TADA2A: variants seen among roughly 807,000 people sequenced by gnomAD.
TADA2A encodes the protein transcriptional adapter 2-alpha.
Under a neutral mutation model 67.4 loss-of-function variants are expected in TADA2A, and 38 were observed. The ratio of observed to expected loss-of-function variants is 0.56; its 90% CI spans 0.44 to 0.74. TADA2A has a LOEUF of 0.74. Ranked by LOEUF, TADA2A falls within the 30% of genes least tolerant of loss-of-function variation. TADA2A has a pLI of 0.00. For synonymous variants in TADA2A, 192 were observed against 181.6 expected (o/e 1.06, Z -0.46); for missense variants, 454 against 547.0 (o/e 0.83, Z 1.70).
At chr17:37,425,815 ATTT>A (rs1235489576) in intron 3 of TADA2A, among the ~76,000 whole-genome samples, 1 of 126,892 alleles carries the variant, frequency 7.9e-6, no homozygotes, top group Non-Finnish European at 1.7e-5. Context: ...TGTCCAGCTA[ATTT>A]TTTTTTTTTT....
chr17:37,464,894 C>T (rs1469962584), intron 10 of TADA2A, among the ~76,000 whole-genome samples: 1 of 148,714 alleles, frequency 6.7e-6, no homozygotes, highest in Non-Finnish European at 1.5e-5. Context: ...TGCATGTAAT[C>T]CCAGCACTTT....
rs372462238 is a variant in TADA2A, at chr17:37,415,101, T to C, written c.25+3711T>C. ...TTCACCATGTTGGCCAGGCTGGTCT[T>C]GAACTCCTGATCTCAGGTGATCCAC... On this transcript the variant is annotated intron_variant, in intron 2 of 15. Coordinates refer to ENST00000615182, the MANE Select transcript of TADA2A (RefSeq NM_001166105.3). Among the ~76,000 whole-genome samples, 841 of 150,882 alleles carry C rather than the reference T, an allele frequency of 5.6e-3. 14 individuals are homozygous for C. Among genetic ancestry groups the C allele is most frequent in the African/African-American group, 0.02 (806 of 40,252 alleles).
intron 3 of TADA2A, 73 bp from the exon 4 acceptor site, chr17:37,426,877 A>T: frequency 1.4e-6 from 2 of 1,425,206 alleles, no homozygotes; most frequent in Non-Finnish European, 9.5e-7. Flanking sequence ...CAAACTTGTC[A>T]GAAGAATAAC....
intron 1 of TADA2A, among the ~76,000 whole-genome samples, chr17:37,407,693 A>C (rs1397100624): frequency 6.6e-6 from 1 of 151,814 alleles, no homozygotes. Context: ...GCTCACTGCA[A>C]TCTCCGCCTC....
intron 1 of TADA2A, among the ~76,000 whole-genome samples, chr17:37,409,021 C>T (rs1353534137): frequency 3.3e-5 from 5 of 152,146 alleles, no homozygotes; most frequent in Admixed American, 1.3e-4. Context: ...TTATTGTATT[C>T]CTCCTGTATG....
intron 8 of TADA2A, among the ~76,000 whole-genome samples, chr17:37,449,973 G>T (rs1301557115): frequency 6.6e-6 from 1 of 152,154 alleles, no homozygotes; most frequent in East Asian, 1.9e-4. Flanking sequence ...TAAGTAATTT[G>T]CCTAATCCAG....
intron 8 of TADA2A, among the ~76,000 whole-genome samples, chr17:37,456,261 G>T (rs2053388600): frequency 6.6e-6 from 1 of 152,210 alleles, no homozygotes; most frequent in Non-Finnish European, 1.5e-5. Flanking sequence ...TGTGTAACAT[G>T]CAAGAGTTTG....
intron 2 of TADA2A, among the ~76,000 whole-genome samples, chr17:37,416,996 G>A (rs771972850): frequency 1.3e-5 from 2 of 152,066 alleles, no homozygotes; most frequent in Non-Finnish European, 2.9e-5. Flanking sequence ...GTTGGGCTCT[G>A]TGTATCAAAA....
At chr17:37,435,824 C>A (rs1252886496) in intron 4 of TADA2A, among the ~76,000 whole-genome samples, 2 of 152,098 alleles carry the variant, frequency 1.3e-5, no homozygotes, top group South Asian at 2.1e-4. Context: ...AAGCAATCCA[C>A]CCACCCAGGT....
chr17:37,429,120 T>C (rs2052497292), intron 4 of TADA2A, among the ~76,000 whole-genome samples: 1 of 151,724 alleles, frequency 6.6e-6, no homozygotes, highest in African/African-American at 2.4e-5. Flanking sequence ...TTCAGGCGTC[T>C]AGGGGTCTTT....
At chr17:37,408,738 G>A (rs2051755196) in intron 1 of TADA2A, 1 of 152,116 alleles carries the variant, frequency 6.6e-6, no homozygotes, top group South Asian at 2.1e-4. Flanking sequence ...AGTAAATTTG[G>A]CAGTTATTTG....
chr17:37,475,953 C>T (rs938857016), intron 15 of TADA2A, among the ~76,000 whole-genome samples: 1 of 152,224 alleles, frequency 6.6e-6, no homozygotes, highest in Non-Finnish European at 1.5e-5. Context: ...TCCTCATATG[C>T]TCCTTTTATA....
intron 4 of TADA2A, among the ~76,000 whole-genome samples, chr17:37,437,252 C>T (rs999901038): frequency 5.3e-5 from 8 of 151,420 alleles, no homozygotes; most frequent in African/African-American, 9.8e-5. Flanking sequence ...CCACCAGGCC[C>T]GGCTAATTTT....
intron 14 of TADA2A, among the ~76,000 whole-genome samples, chr17:37,472,493 G>A (rs532800586): frequency 6.6e-6 from 1 of 151,996 alleles, no homozygotes; most frequent in African/African-American, 2.4e-5. Flanking sequence ...GTTTTATTTT[G>A]TAAGTTTCTT....
chr17:37,423,748 CTTTCT>C lies in TADA2A; in HGVS notation c.132+137_132+141del, dbSNP rs1343820144. On this transcript the variant is annotated intron_variant, in intron 3 of 15. Coordinates refer to ENST00000615182, the MANE Select transcript of TADA2A (RefSeq NM_001166105.3). ...TCTATTCCTTCCAATTTTTCTTTTT[CTTTCT>C]TTTTTTTTTTTTTTGAGATGGAGTC... 18 of 635,892 alleles carry C rather than the reference CTTTCT, an allele frequency of 2.8e-5. No homozygotes were observed. The African/African-American group carries it at 3.1e-4, about 11-fold the overall frequency. 39.4% of individuals were successfully genotyped at this position (635,892 alleles called of 1,614,324 possible).
chr17:37,470,248 C>G (rs1688057815), intron 12 of TADA2A, 152 bp from the exon 13 acceptor site: 2 of 760,632 alleles, frequency 2.6e-6, no homozygotes, highest in South Asian at 2.1e-5. Context: ...TAGGGAAAAT[C>G]TACTTGGGTC....
At position 37,478,117 on chromosome 17, in the gene TADA2A, CA is replaced by C. The variant is rs35878460; in HGVS notation, c.*1148del. 264 of 128,602 alleles carry C rather than the reference CA, an allele frequency of 2.1e-3. No homozygotes were observed. The highest frequency in any genetic ancestry group is 6.5e-3 in the African/African-American group (233 of 35,708). The allele number at this position is 128,602 out of a possible 1,614,324, so 8.0% of individuals were successfully genotyped here. ...TGGGCAACAAAGTGAGACTCTGTCTCAAAAAAAAAAAAACAAAAAAAAACCT... is the reference window on the plus strand; with the variant it reads ...TGGGCAACAAAGTGAGACTCTGTCTCAAAAAAAAAAAACAAAAAAAAACCT... On this transcript the variant is annotated 3_prime_UTR_variant, in exon 16 of 16. Coordinates refer to ENST00000615182, the MANE Select transcript of TADA2A (RefSeq NM_001166105.3).
At chr17:37,451,155 G>A (rs1005473301) in intron 8 of TADA2A, among the ~76,000 whole-genome samples, 1 of 151,880 alleles carries the variant, frequency 6.6e-6, no homozygotes, top group Admixed American at 6.6e-5. Flanking sequence ...AGCCTCACAA[G>A]TAGCTAGGAC....
intron 4 of TADA2A, among the ~76,000 whole-genome samples, chr17:37,432,648 G>A (rs970015898): frequency 6.6e-6 from 1 of 152,298 alleles, no homozygotes; most frequent in African/African-American, 2.4e-5. Flanking sequence ...GAATAAAGCT[G>A]CAATGAGTAT....
Sources: gnomAD v4.1 joint callset for allele counts (sites outside exome capture counted in the v4.1 genomes callset) on GRCh38, gnomAD v4.1.1 for gene constraint, MANE v1.5 for transcripts, NCBI Gene and HGNC (gene_info 2026-07-23, HGNC 2026-07-21) for gene names.